AIG1: variants seen among roughly 807,000 people sequenced by gnomAD.
AIG1 encodes androgen-induced gene 1 protein.
A neutral mutation model predicts 31.4 loss-of-function variants in AIG1; 23 were observed. That is an observed-to-expected ratio of 0.73 (90% CI 0.53 to 1.04). The LOEUF (loss-of-function observed/expected upper bound fraction) is 1.04, where lower values mean the gene tolerates loss of function less well. Among genes scored for constraint, AIG1 ranks in the 50% least tolerant of loss-of-function variants. The pLI, the probability that AIG1 is intolerant of heterozygous loss-of-function variation, is 0.00. For synonymous variants in AIG1, 100 were observed against 110.5 expected, an observed-to-expected ratio of 0.90 and a Z score of 0.60; for missense variants, 274 against 295.0, an observed-to-expected ratio of 0.93 and a Z score of 0.52.
At position 143,325,411 on chromosome 6, in the gene AIG1, C is replaced by T. The variant is rs1012171186; in HGVS notation, c.516-7871C>T. Among the ~76,000 whole-genome samples, 2 of 152,166 alleles carry T rather than the reference C, an allele frequency of 1.3e-5. No homozygotes were observed. Among genetic ancestry groups the T allele is most frequent in the African/African-American group, 4.8e-5 (2 of 41,430 alleles). ...TGATACCTGTATTGCCAAATCAGTC[C>T]TTTCTTCAAAGTCCAAATCCATAGA... is the stretch of plus-strand genomic sequence containing the variant. On this transcript the variant is annotated intron_variant, in intron 4 of 5. Coordinates refer to ENST00000357847, the MANE Select transcript of AIG1 (RefSeq NM_016108.4). The surrounding 1 kb of genome is among the most constrained non-coding windows in gnomAD (Gnocchi z 4.3).
intron 3 of AIG1, among the ~76,000 whole-genome samples, chr6:143,249,296 G>A (rs949004748): frequency 6.6e-6 from 1 of 152,210 alleles, no homozygotes; most frequent in African/African-American, 2.4e-5. Context: ...GTGACGGAAT[G>A]ATCAGTTATT....
chr6:143,081,273 T>C (rs1778233084), intron 1 of AIG1, among the ~76,000 whole-genome samples: 1 of 152,168 alleles, frequency 6.6e-6, no homozygotes, highest in African/African-American at 2.4e-5. Context: ...TAAGTGATAT[T>C]GTATACCTAA....
Position 143,307,001 on chromosome 6 carries a change from G to A in AIG1, c.515+22776G>A, listed in dbSNP as rs866600829. Among the ~76,000 whole-genome samples the A allele has an allele frequency of 1.6e-4, 25 of 152,182 alleles. No individual in the cohort carries two copies. The South Asian group carries it at 5.2e-3, about 32-fold the overall frequency. ...CTTCCAGTTGATCACATCGGCTCCT[G>A]AGGCTTCTGCATTCTTCACGTAGTT... On this transcript the variant is annotated intron_variant, in intron 4 of 5. Coordinates refer to ENST00000357847, the MANE Select transcript of AIG1 (RefSeq NM_016108.4).
At chr6:143,194,395 C>T (rs1211476953) in intron 3 of AIG1, among the ~76,000 whole-genome samples, 2 of 152,180 alleles carry the variant, frequency 1.3e-5, no homozygotes, top group African/African-American at 4.8e-5. Context: ...CCTCCCTCGA[C>T]ACGTAGGGGT....
At chr6:143,070,549 A>C (rs1777152211) in intron 1 of AIG1, among the ~76,000 whole-genome samples, 1 of 152,214 alleles carries the variant, frequency 6.6e-6, no homozygotes, top group South Asian at 2.1e-4. Flanking sequence ...TATGTCTTAC[A>C]GTTCTGGAGG....
At chr6:143,191,259 A>G (rs936062358) in intron 3 of AIG1, among the ~76,000 whole-genome samples, 9 of 152,198 alleles carry the variant, frequency 5.9e-5, no homozygotes, top group African/African-American at 2.2e-4. Context: ...TACTGGCATC[A>G]TCTCAAGATT....
At chr6:143,242,336 C>T (rs547568697) in intron 3 of AIG1, among the ~76,000 whole-genome samples, 7 of 152,298 alleles carry the variant, frequency 4.6e-5, no homozygotes, top group East Asian at 3.9e-4. Flanking sequence ...AATTAGCGGA[C>T]GTGATAACCC....
In AIG1 at chr6:143,333,710, A is replaced by G. The variant is rs759550590; in HGVS notation, c.679+265A>G. ...GCATGTCTATAAAATTTTATAGGGA[A>G]AAATGTAGTGTTAGCAAAAAATATA... On this transcript the variant is annotated intron_variant, in intron 5 of 5. Coordinates refer to ENST00000357847, the MANE Select transcript of AIG1 (RefSeq NM_016108.4). This position sits in a 1 kb window ranked among gnomAD's most constrained non-coding sequence, Gnocchi z 4.6. 3.3e-5 allele frequency among the ~76,000 whole-genome samples: 5 copies of G among 152,222 alleles called. No homozygotes were observed. The highest frequency in any genetic ancestry group is 7.3e-5 in the Non-Finnish European group (5 of 68,044).
At chr6:143,276,538 C>A (rs1349386936) in intron 3 of AIG1, among the ~76,000 whole-genome samples, 1 of 152,160 alleles carries the variant, frequency 6.6e-6, no homozygotes, top group Non-Finnish European at 1.5e-5. Flanking sequence ...AATGCCCTGG[C>A]AGTTTCTGGA....
chr6:143,157,866 C>G (rs1785949956), intron 2 of AIG1, among the ~76,000 whole-genome samples: 1 of 151,888 alleles, frequency 6.6e-6, no homozygotes, highest in Non-Finnish European at 1.5e-5. Flanking sequence ...AATCATATTC[C>G]TCTCTATGTT....
downstream of AIG1, among the ~76,000 whole-genome samples, chr6:143,343,586 T>C (rs1234094628): frequency 6.6e-6 from 1 of 152,166 alleles, no homozygotes; most frequent in Non-Finnish European, 1.5e-5. Flanking sequence ...TTACATCTAG[T>C]TCGTAAAAAA....
At chr6:143,146,322 C>G (rs1784704145) in intron 2 of AIG1, among the ~76,000 whole-genome samples, 1 of 152,146 alleles carries the variant, frequency 6.6e-6, no homozygotes, top group Non-Finnish European at 1.5e-5. Context: ...TTCATGAACA[C>G]TAGACATGTG....
At chr6:143,251,678 T>A (rs1682322399) in intron 3 of AIG1, among the ~76,000 whole-genome samples, 1 of 152,212 alleles carries the variant, frequency 6.6e-6, no homozygotes, top group Non-Finnish European at 1.5e-5. Flanking sequence ...TCTGTTTACC[T>A]AGATTCCTCT....
chr6:143,143,433 G>A (rs1167868190), intron 2 of AIG1, among the ~76,000 whole-genome samples: 4 of 141,008 alleles, frequency 2.8e-5, no homozygotes, highest in Admixed American at 7.3e-5. Flanking sequence ...CCCAGGAGGC[G>A]GAGCTTGCAG....
At position 143,136,833 on chromosome 6, in the gene AIG1, A is replaced by T. The variant is rs775317335; in HGVS notation, c.142-2A>T. 1 of 1,407,464 alleles carries T rather than the reference A, an allele frequency of 7.1e-7. No homozygotes were observed. The highest frequency in any genetic ancestry group is 1.8e-5 in the South Asian group (1 of 55,978). The allele number at this position is 1,407,464 out of a possible 1,614,324, so 87.2% of individuals were successfully genotyped here. A position where few individuals can be genotyped will look rare whatever the true frequency, so the allele number is the denominator to read the frequency against. ...CTCATACCGGCTGTTGTCCCCCTACAGGTTATCCAGGCTGTCTTTTTTGGC... is the reference window on the plus strand; with the variant it reads ...CTCATACCGGCTGTTGTCCCCCTACTGGTTATCCAGGCTGTCTTTTTTGGC... On this transcript the variant is annotated splice_acceptor_variant, in intron 1 of 5. Coordinates refer to ENST00000357847, the MANE Select transcript of AIG1 (RefSeq NM_016108.4). LOFTEE classifies it high-confidence loss of function.
chr6:143,111,519 T>A (rs954962775), intron 1 of AIG1, among the ~76,000 whole-genome samples: 1 of 152,210 alleles, frequency 6.6e-6, no homozygotes, highest in African/African-American at 2.4e-5. Flanking sequence ...ACTCATTGCT[T>A]CTTCATTGTG....
At chr6:143,321,269 T>C (rs1242859938) in intron 4 of AIG1, among the ~76,000 whole-genome samples, 1 of 152,150 alleles carries the variant, frequency 6.6e-6, no homozygotes, top group African/African-American at 2.4e-5. Flanking sequence ...ATTAATTATG[T>C]ATACCTTCTT....
intron 5 of AIG1, among the ~76,000 whole-genome samples, chr6:143,337,357 G>A (rs2128726321): frequency 6.6e-6 from 1 of 152,238 alleles, no homozygotes; most frequent in Middle Eastern, 3.4e-3. Flanking sequence ...CATCTACTGT[G>A]GAGGTTGATT....
intron 4 of AIG1, among the ~76,000 whole-genome samples, chr6:143,285,535 C>T (rs879707522): frequency 1.3e-5 from 2 of 151,402 alleles, no homozygotes; most frequent in South Asian, 2.1e-4. Flanking sequence ...TGGTGGTGGG[C>T]GCCTGTAATC....
Sources: gnomAD v4.1 joint callset for allele counts (sites outside exome capture counted in the v4.1 genomes callset) on GRCh38, gnomAD v4.1.1 for gene constraint, Gnocchi (gnomAD v3.1) non-coding constraint, MANE v1.5 for transcripts, NCBI Gene and HGNC (gene_info 2026-07-23, HGNC 2026-07-21) for gene names.